The following PARP10 variants were observed in gnomAD, a reference collection of about 807,000 sequenced individuals.
PARP10 encodes protein mono-ADP-ribosyltransferase PARP10.
Under a neutral mutation model 82.4 loss-of-function variants are expected in PARP10, and 56 were observed. The observed-to-expected ratio is 0.68, with a 90% CI of 0.55 to 0.85. The LOEUF is 0.85. Ranked by LOEUF, PARP10 falls within the 40% of genes least tolerant of loss-of-function variation. The probability of loss-of-function intolerance (pLI) is 0.00; values close to 1 mark genes in which losing one functional copy is unlikely to be tolerated. For synonymous variants in PARP10, 576 were observed against 601.1 expected (o/e 0.96, Z 0.61); for missense variants, 1,227 against 1,379.4 (o/e 0.89, Z 1.75).
upstream of PARP10, among the ~76,000 whole-genome samples, chr8:143,988,529 G>A (rs1002850287): frequency 3.4e-5 from 5 of 149,010 alleles, no homozygotes; most frequent in Admixed American, 6.7e-5. Flanking sequence ...GCGGTGGCAC[G>A]ATCTCAGCTC....
Position 143,984,980 on chromosome 8 carries a change from C to T in PARP10, c.1022G>A (p.Gly341Glu), listed in dbSNP as rs1833950111. The change falls in exon 5 of 11, where the codon GGG becomes GAG. Residue 341 changes from glycine (G) to glutamate (E), a missense_variant. Gly to Glu is a moderately conservative substitution (Grantham distance 98). Coordinates refer to ENST00000313028, the MANE Select transcript of PARP10 (RefSeq NM_032789.5). ...SGTSLRTGPM[G>E]SLGQAEQVSS... ...GACTTGCTCTGCCTGTCCCAGAGAC[C>T]CCATGGGACCTGTCCTCAGAGAGGT... The T allele has an allele frequency of 6.2e-7, 1 of 1,613,874 alleles. No homozygotes were observed. The highest frequency in any genetic ancestry group is 1.3e-5 in the African/African-American group (1 of 74,898).
At chr8:143,992,033 T>C, upstream of PARP10, 1 of 1,613,936 alleles carries the variant, frequency 6.2e-7, no homozygotes, top group South Asian at 1.1e-5. Flanking sequence ...TCCTCAGCTG[T>C]TGTGGGGACT....
chr8:143,986,222 G>C lies in PARP10; in HGVS notation c.14C>G (p.Ala5Gly). The C allele has an allele frequency of 1.2e-6, 2 of 1,613,970 alleles. No homozygotes were observed. The highest frequency in any genetic ancestry group is 1.7e-6 in the Non-Finnish European group (2 of 1,179,930). Reference protein sequence around the residue: MVAMAEAEAGVAVEV... With the variant: MVAMGEAEAGVAVEV... ...CACTGCCACCCCTGCCTCTGCCTCC[G>C]CCATTGCAACCCTGGGACGGGGCAT... Residue 5 changes from alanine to glycine, a missense_variant, in exon 2 of 11, where the codon GCG becomes GGG. Transcript: ENST00000313028.
chr8:143,992,468 C>T, upstream of PARP10: 2 of 1,614,148 alleles, frequency 1.2e-6, no homozygotes, highest in Non-Finnish European at 1.7e-6. Context: ...CCTGCAGACC[C>T]GCTACGACTT....
chr8:143,984,940 C>A lies in PARP10; in HGVS notation c.1062G>T (p.Met354Ile). ...GQAEQVSSMP[M>I]GSLEHEGLVS... is the part of the protein sequence containing the mutation. ...CCAGCCCCTCATGTTCCAGAGACCC[C>A]ATGGGCATCGAGCTGACTTGCTCTG... Residue 354 changes from methionine (M) to isoleucine (I), a missense_variant, in exon 5 of 11, where the codon ATG (methionine) becomes ATT (isoleucine). Transcript: ENST00000313028. The A allele has an allele frequency of 6.2e-7, 1 of 1,614,048 alleles. No individual in the cohort carries two copies. The highest frequency in any genetic ancestry group is 8.5e-7 in the Non-Finnish European group (1 of 1,180,020).
intron 1 of PARP10, among the ~76,000 whole-genome samples, chr8:144,007,838 T>C (rs1834245164): frequency 6.6e-6 from 1 of 152,174 alleles, no homozygotes; most frequent in African/African-American, 2.4e-5. Flanking sequence ...AGAGCCCAGG[T>C]ACTTGACATG....
At chr8:143,986,532 A>G (rs1833995659), upstream of PARP10, 1 of 933,088 alleles carries the variant, frequency 1.1e-6, no homozygotes, top group African/African-American at 1.6e-5. Flanking sequence ...TGGGGCTCAG[A>G]TGCTTCCTCT....
chr8:143,980,583 G>A (rs1488423054), intron 9 of PARP10, among the ~76,000 whole-genome samples: 1 of 151,178 alleles, frequency 6.6e-6, no homozygotes, highest in Non-Finnish European at 1.5e-5. Flanking sequence ...AAACATATAT[G>A]TTCACATATA....
chr8:143,977,597 C>G lies in PARP10; in HGVS notation c.2965G>C (p.Val989Leu). 1 of 1,583,556 alleles carries G rather than the reference C, an allele frequency of 6.3e-7. No homozygotes were observed. Among genetic ancestry groups the G allele is most frequent in the Non-Finnish European group, 8.6e-7 (1 of 1,165,520 alleles). Residue 989 changes from valine to leucine, a missense_variant, in exon 11 of 11, where the codon GTC becomes CTC. Coordinates refer to ENST00000313028, the MANE Select transcript of PARP10 (RefSeq NM_032789.5). ...VDCICQPSIF[V>L]IFHDTQALPT... ...AGCGCCTGGGTGTCGTGGAAGATGACGAAGATGCTGGGCTGGCAGATGCAG... is the reference window on the plus strand; with the variant it reads ...AGCGCCTGGGTGTCGTGGAAGATGAGGAAGATGCTGGGCTGGCAGATGCAG...
At chr8:143,990,412 G>GGGC (rs1834071338), upstream of PARP10, 1 of 151,692 alleles carries the variant, frequency 6.6e-6, no homozygotes, top group South Asian at 2.0e-4. The surrounding 1 kb of genome is among the most constrained non-coding windows in gnomAD (Gnocchi z 5.6). Context: ...CGGAGGGAGG[G>GGGC]GGCGGCGCGC....
upstream of PARP10, chr8:143,992,795 A>G (rs369678810): frequency 2.0e-5 from 33 of 1,613,684 alleles, no homozygotes; most frequent in Non-Finnish European, 2.8e-5. Context: ...GACATCATCA[A>G]CATCTTCCTG....
chr8:143,979,134 G>T (rs1274274913), intron 9 of PARP10, among the ~76,000 whole-genome samples: 3 of 152,048 alleles, frequency 2.0e-5, no homozygotes, highest in African/African-American at 7.2e-5. Flanking sequence ...CACCGCGCCC[G>T]GCTATCTTTT....
upstream of PARP10, chr8:143,986,500 C>A: frequency 1.4e-6 from 2 of 1,394,708 alleles, no homozygotes; most frequent in Non-Finnish European, 2.0e-6. Flanking sequence ...CAGCTGGGCC[C>A]TGGGCGCTGA....
chr8:143,992,783 C>T (rs1554750814), upstream of PARP10: 1 of 1,613,790 alleles, frequency 6.2e-7, no homozygotes, highest in Admixed American at 1.7e-5. Context: ...AACCTGTACA[C>T]AGACATCATC....
chr8:143,999,500 A>C (rs1834185756), intron 1 of PARP10, among the ~76,000 whole-genome samples: 1 of 152,018 alleles, frequency 6.6e-6, no homozygotes, highest in African/African-American at 2.4e-5. Context: ...CACTACGCTC[A>C]GCTTAATATT....
chr8:143,991,642 C>A, upstream of PARP10: 3 of 1,581,886 alleles, frequency 1.9e-6, no homozygotes, highest in Non-Finnish European at 1.7e-6. Flanking sequence ...GCCGGGAGGG[C>A]AGGGGGAGGT....
At chr8:143,995,729 CCTCAGTGT>C (rs1834159970), upstream of PARP10, among the ~76,000 whole-genome samples, 1 of 152,084 alleles carries the variant, frequency 6.6e-6, no homozygotes, top group Non-Finnish European at 1.5e-5. Context: ...CAGATAGAGC[CCTCAGTGT>C]CTCCTGGTTA....
intron 5 of PARP10, 46 bp from the exon 6 acceptor site, chr8:143,984,477 GA>G: frequency 5.0e-6 from 8 of 1,593,580 alleles, no homozygotes; most frequent in Non-Finnish European, 6.8e-6. Context: ...TAGAGCACAG[GA>G]AAGGTACTTT....
chr8:144,002,893 A>G (rs923417089), intron 1 of PARP10, among the ~76,000 whole-genome samples: 1 of 152,244 alleles, frequency 6.6e-6, no homozygotes. Context: ...CCTAGGGAAT[A>G]TAGCTAGACC....
Sources: allele counts gnomAD v4.1 joint callset (sites outside exome capture counted in the v4.1 genomes callset), GRCh38; gene constraint gnomAD v4.1.1; non-coding constraint Gnocchi (gnomAD v3.1); transcripts MANE v1.5; gene names NCBI Gene and HGNC (gene_info 2026-07-23, HGNC 2026-07-21).